The following AUTS2 variants were observed in gnomAD, a reference collection of about 807,000 sequenced individuals.
AUTS2 encodes the protein activator of transcription and developmental regulator AUTS2, also known as autism susceptibility gene 2 protein.
AUTS2 carries 17 observed loss-of-function variants against 112.4 expected under a neutral mutation model. The ratio of observed to expected loss-of-function variants is 0.15; its 90% confidence interval spans 0.10 to 0.23. AUTS2 has a LOEUF of 0.23. AUTS2 is among the 10% of genes least tolerant of loss of function. The pLI, the probability that AUTS2 is intolerant of heterozygous loss-of-function variation, is 1.00. For synonymous variants in AUTS2, 751 were observed against 702.7 expected, an observed-to-expected ratio of 1.07 and a Z score of -1.09; for missense variants, 1,510 against 1,701.6, an observed-to-expected ratio of 0.89 and a Z score of 1.98.
chr7:70,583,168 T>G (rs1311767726), intron 5 of AUTS2, among the ~76,000 whole-genome samples: 1 of 152,204 alleles, frequency 6.6e-6, no homozygotes. Flanking sequence ...ACAGGAAGCT[T>G]AGGCGGAGGG....
rs1194895832 is a variant in AUTS2 at position 69,639,313 on chromosome 7, A to G, written c.309+39351A>G. ...AAATGTAGCAGATCTCGATTCAAAC[A>G]GGAGCAAAACTGGTTATAACTCAAG... On this transcript the variant is annotated intron_variant, in intron 1 of 18. Transcript: ENST00000342771. Among the ~76,000 whole-genome samples the G allele has an allele frequency of 3.3e-5, 5 of 152,212 alleles. No homozygotes were observed. The East Asian group carries it at 5.8e-4, about 18-fold the overall frequency.
chr7:69,866,818 A>G (rs1198325624), intron 1 of AUTS2, among the ~76,000 whole-genome samples: 3 of 152,218 alleles, frequency 2.0e-5, no homozygotes, highest in Non-Finnish European at 2.9e-5. Context: ...ATTTTCTAGC[A>G]TAGCCTATGG....
At chr7:70,458,978 T>G (rs1796857540) in intron 5 of AUTS2, among the ~76,000 whole-genome samples, 1 of 152,200 alleles carries the variant, frequency 6.6e-6, no homozygotes, top group African/African-American at 2.4e-5. Flanking sequence ...GACCCGGGCC[T>G]CCTCAGAGAC....
intron 5 of AUTS2, among the ~76,000 whole-genome samples, chr7:70,637,582 TATA>T (rs1805594562): frequency 6.6e-6 from 1 of 152,190 alleles, no homozygotes; most frequent in Non-Finnish European, 1.5e-5. Flanking sequence ...ACTGGAGGAA[TATA>T]ATGTTACCCA....
At chr7:70,022,360 G>T (rs1425981180) in intron 2 of AUTS2, among the ~76,000 whole-genome samples, 1 of 147,898 alleles carries the variant, frequency 6.8e-6, no homozygotes, top group Non-Finnish European at 1.5e-5. Context: ...TTGCTCTGTT[G>T]CCCAAGCTGG....
chr7:69,821,605 A>G (rs1790994394), intron 1 of AUTS2, among the ~76,000 whole-genome samples: 1 of 152,100 alleles, frequency 6.6e-6, no homozygotes, highest in South Asian at 2.1e-4. Context: ...CACCTTTAAG[A>G]GCTGCAACAC....
chr7:69,932,441 A>G (rs1425691243), intron 2 of AUTS2, among the ~76,000 whole-genome samples: 6 of 152,196 alleles, frequency 3.9e-5, no homozygotes, highest in Non-Finnish European at 8.8e-5. Context: ...GAGGAAAGGG[A>G]GAAAATGCAG....
At chr7:70,299,570 T>C (rs1321540371) in intron 4 of AUTS2, among the ~76,000 whole-genome samples, 2 of 152,116 alleles carry the variant, frequency 1.3e-5, no homozygotes, top group African/African-American at 2.4e-5. Flanking sequence ...ATTTCTAGAT[T>C]GGTATCATTG....
chr7:69,884,727 A>G (rs989475011), intron 1 of AUTS2, among the ~76,000 whole-genome samples: 2 of 152,200 alleles, frequency 1.3e-5, no homozygotes, highest in African/African-American at 4.8e-5. Context: ...TGCATGACCT[A>G]ATTGCCTCAC....
chr7:70,455,210 A>G (rs1256729762), intron 5 of AUTS2, among the ~76,000 whole-genome samples: 1 of 152,200 alleles, frequency 6.6e-6, no homozygotes, highest in Non-Finnish European at 1.5e-5. Context: ...AATTGTGGGT[A>G]ATAGTAAGAT....
chr7:69,703,478 A>G (rs961608806), intron 1 of AUTS2, among the ~76,000 whole-genome samples: 1 of 152,198 alleles, frequency 6.6e-6, no homozygotes, highest in African/African-American at 2.4e-5. Context: ...CTGAATTTCC[A>G]TGCCTCAGCC....
chr7:70,105,895 G>C (rs1462095228), intron 2 of AUTS2, among the ~76,000 whole-genome samples: 1 of 152,000 alleles, frequency 6.6e-6, no homozygotes, highest in Non-Finnish European at 1.5e-5. Flanking sequence ...CTGTGAGTTT[G>C]GCTAAGAAAA....
intron 1 of AUTS2, among the ~76,000 whole-genome samples, chr7:69,774,731 A>G (rs1333328505): frequency 6.6e-6 from 1 of 152,232 alleles, no homozygotes; most frequent in African/African-American, 2.4e-5. Context: ...TAGAGCAGGT[A>G]CTTTTAATTT....
At chr7:70,760,179 G>A (rs2129556559) in intron 6 of AUTS2, among the ~76,000 whole-genome samples, 1 of 152,176 alleles carries the variant, frequency 6.6e-6, no homozygotes, top group African/African-American at 2.4e-5. Context: ...CTAATTTTTT[G>A]TGTTTTTAGT....
chr7:70,110,426 G>T (rs1234598976), intron 2 of AUTS2, among the ~76,000 whole-genome samples: 3 of 152,178 alleles, frequency 2.0e-5, no homozygotes, highest in African/African-American at 4.8e-5. Context: ...CAAGGCAGGA[G>T]AATCGCTTGA....
At chr7:70,380,018 G>A (rs916075094) in intron 4 of AUTS2, among the ~76,000 whole-genome samples, 2 of 152,186 alleles carry the variant, frequency 1.3e-5, no homozygotes, top group Non-Finnish European at 2.9e-5. Context: ...CCAGGGTGAG[G>A]ATGCATCATG....
intron 4 of AUTS2, among the ~76,000 whole-genome samples, chr7:70,282,740 A>T (rs957841606): frequency 6.6e-6 from 1 of 152,222 alleles, no homozygotes; most frequent in Non-Finnish European, 1.5e-5. Context: ...CACACTTGCC[A>T]TATTTAGCTG....
intron 1 of AUTS2, among the ~76,000 whole-genome samples, chr7:69,802,664 T>C (rs1327691399): frequency 1.3e-5 from 2 of 152,176 alleles, no homozygotes; most frequent in Non-Finnish European, 2.9e-5. Context: ...ATAACCATCA[T>C]TGATTGCTGT....
chr7:70,696,292 A>T (rs1252410056), intron 5 of AUTS2, among the ~76,000 whole-genome samples: 3 of 152,154 alleles, frequency 2.0e-5, no homozygotes. Flanking sequence ...CCTGGATAGG[A>T]GAGAGAAGGG....
Sources: gnomAD v4.1 joint callset for allele counts (sites outside exome capture counted in the v4.1 genomes callset) on GRCh38, gnomAD v4.1.1 for gene constraint, MANE v1.5 for transcripts, NCBI Gene and HGNC (gene_info 2026-07-23, HGNC 2026-07-21) for gene names.